The following AKR1C8 variants were observed in gnomAD, a reference collection of about 807,000 sequenced individuals.
AKR1C8 encodes the protein aldo-keto reductase family 1 member C8, also known as aldo-keto reductase family 1 member C-like protein 1.
the AKR1C8 span, among the ~76,000 whole-genome samples, chr10:5,116,758 T>C: frequency 6.6e-6 from 1 of 152,168 alleles, no homozygotes; most frequent in East Asian, 1.9e-4. Flanking sequence ...TTCAGGGATG[T>C]AGGACATCAA....
the AKR1C8 span, among the ~76,000 whole-genome samples, chr10:5,146,302 C>G: frequency 2.0e-5 from 3 of 151,738 alleles, no homozygotes; most frequent in Admixed American, 6.6e-5. Flanking sequence ...ACGTATGTAA[C>G]TAACCTGCAC....
the AKR1C8 span, among the ~76,000 whole-genome samples, chr10:5,167,076 A>G: frequency 6.6e-6 from 1 of 152,234 alleles, no homozygotes; most frequent in African/African-American, 2.4e-5. Flanking sequence ...AATCAAACCC[A>G]CAATGAGATA....
the AKR1C8 span, among the ~76,000 whole-genome samples, chr10:5,140,923 G>C: frequency 3.3e-5 from 5 of 152,082 alleles, no homozygotes; most frequent in African/African-American, 1.2e-4. Flanking sequence ...TGAAATGACT[G>C]TGGCAATTTC....
At chr10:5,173,490 G>T in the AKR1C8 span, among the ~76,000 whole-genome samples, 1 of 151,992 alleles carries the variant, frequency 6.6e-6, no homozygotes, top group Middle Eastern at 3.2e-3. Flanking sequence ...AGAAGCAGAT[G>T]CAAAGGCATG....
the AKR1C8 span, among the ~76,000 whole-genome samples, chr10:5,170,046 G>T: frequency 7.9e-5 from 12 of 151,942 alleles, no homozygotes; most frequent in Admixed American, 7.9e-4. Context: ...ATTACCCTGG[G>T]TTCCATGGAC....
At chr10:5,162,306 G>A in the AKR1C8 span, among the ~76,000 whole-genome samples, 1 of 152,160 alleles carries the variant, frequency 6.6e-6, no homozygotes, top group Non-Finnish European at 1.5e-5. Context: ...AGAATCTCTT[G>A]TCCTGTATAA....
At chr10:5,150,498 A>G in the AKR1C8 span, among the ~76,000 whole-genome samples, 1 of 152,090 alleles carries the variant, frequency 6.6e-6, no homozygotes, top group African/African-American at 2.4e-5. Flanking sequence ...AAAGAAAGTT[A>G]AACACTATTT....
chr10:5,166,100 T>C, the AKR1C8 span, among the ~76,000 whole-genome samples: 1 of 152,036 alleles, frequency 6.6e-6, no homozygotes. Context: ...TTCTCCTCCC[T>C]TGTCTAGATG....
At chr10:5,167,989 T>C in the AKR1C8 span, among the ~76,000 whole-genome samples, 1 of 152,036 alleles carries the variant, frequency 6.6e-6, no homozygotes, top group South Asian at 2.1e-4. Context: ...CAGATTTCCT[T>C]GTCAATTGCT....
At chr10:5,173,919 T>C in the AKR1C8 span, among the ~76,000 whole-genome samples, 1 of 152,240 alleles carries the variant, frequency 6.6e-6, no homozygotes, top group Non-Finnish European at 1.5e-5. Flanking sequence ...CCACCCTTAA[T>C]ACCTGCATAA....
chr10:5,130,680 T>TAAATA, the AKR1C8 span, among the ~76,000 whole-genome samples: 4 of 151,616 alleles, frequency 2.6e-5, no homozygotes, highest in Admixed American at 1.3e-4. Context: ...ACAACAGCTG[T>TAAATA]AAATAAAATA....
chr10:5,163,781 T>C, the AKR1C8 span, among the ~76,000 whole-genome samples: 7 of 152,118 alleles, frequency 4.6e-5, no homozygotes, highest in African/African-American at 1.7e-4. Flanking sequence ...CATTTGTCCT[T>C]TATGCCTAAG....
the AKR1C8 span, among the ~76,000 whole-genome samples, chr10:5,120,257 C>T: frequency 6.6e-6 from 1 of 152,172 alleles, no homozygotes; most frequent in Non-Finnish European, 1.5e-5. Flanking sequence ...CACTGGCTTA[C>T]TGTCGATAAA....
the AKR1C8 span, among the ~76,000 whole-genome samples, chr10:5,164,439 A>T: frequency 2.0e-5 from 3 of 151,798 alleles, no homozygotes; most frequent in Non-Finnish European, 4.4e-5. Context: ...ATCATGAGAG[A>T]CTACTACATT....
chr10:5,162,108 T>C, the AKR1C8 span: 22,577 of 385,432 alleles, frequency 0.059, 828 homozygotes, highest in Middle Eastern at 0.081. Flanking sequence ...GGACTAAACA[T>C]ATGTTACTCA....
chr10:5,163,377 T>C, the AKR1C8 span, among the ~76,000 whole-genome samples: 2 of 152,316 alleles, frequency 1.3e-5, no homozygotes, highest in East Asian at 1.9e-4. Flanking sequence ...CTGTTGTAAA[T>C]TGACTTCTCA....
chr10:5,169,784 T>A, the AKR1C8 span, among the ~76,000 whole-genome samples: 3 of 152,024 alleles, frequency 2.0e-5, no homozygotes, highest in Non-Finnish European at 4.4e-5. Context: ...TTAAAAAAAG[T>A]TGTAATATTT....
At chr10:5,167,255 A>G in the AKR1C8 span, among the ~76,000 whole-genome samples, 1,257 of 152,266 alleles carry the variant, frequency 8.3e-3, 14 homozygotes, top group African/African-American at 0.029. Flanking sequence ...AACTAGAAAT[A>G]CCATTTGACC....
chr10:5,165,582 T>A, the AKR1C8 span, among the ~76,000 whole-genome samples: 4,780 of 152,258 alleles, frequency 0.031, 253 homozygotes, highest in African/African-American at 0.11. Flanking sequence ...CTCAGTGATG[T>A]CCCCATCAGC....
Sources: gnomAD v4.1 joint callset for allele counts (sites outside exome capture counted in the v4.1 genomes callset) on GRCh38, gnomAD v4.1.1 for gene constraint, MANE v1.5 for transcripts, NCBI Gene and HGNC (gene_info 2026-07-23, HGNC 2026-07-21) for gene names.